KMT2E: variants seen among roughly 807,000 people sequenced by gnomAD.
KMT2E encodes the protein lysine methyltransferase 2E (inactive).
KMT2E carries 30 observed loss-of-function variants against 184.6 expected under a neutral mutation model. The ratio of observed to expected loss-of-function variants is 0.16; its 90% CI spans 0.12 to 0.22. The LOEUF is 0.22. KMT2E is among the 10% of genes least tolerant of loss of function. KMT2E has a pLI of 1.00. For missense variants in KMT2E, 2,023 were observed against 2,237.4 expected, an observed-to-expected ratio of 0.90 and a Z score of 1.93; for synonymous variants, 815 against 776.5, an observed-to-expected ratio of 1.05 and a Z score of -0.82.
chr7:105,096,305 A>G (rs954611626), intron 15 of KMT2E, among the ~76,000 whole-genome samples: 1 of 151,784 alleles, frequency 6.6e-6, no homozygotes, highest in Non-Finnish European at 1.5e-5. Context: ...TGGCATGAAA[A>G]CTGTCTCCTT....
intron 6 of KMT2E, among the ~76,000 whole-genome samples, chr7:105,070,297 TC>T (rs1353992625): frequency 6.6e-6 from 1 of 152,046 alleles, no homozygotes; most frequent in Non-Finnish European, 1.5e-5. Context: ...GATTTTATAT[TC>T]CTACCAGAAA....
At chr7:105,065,091 G>C (rs1240658942) in intron 5 of KMT2E, among the ~76,000 whole-genome samples, 1 of 152,106 alleles carries the variant, frequency 6.6e-6, no homozygotes, top group African/African-American at 2.4e-5. Flanking sequence ...TTCTCAGAGA[G>C]TACTTTTTGT....
chr7:105,074,610 T>C, intron 7 of KMT2E, 33 bp from the exon 8 acceptor site: 1 of 1,414,756 alleles, frequency 7.1e-7, no homozygotes, highest in Non-Finnish European at 9.4e-7. Flanking sequence ...AATAGAAGTA[T>C]TAAATGTGCA....
chr7:105,065,868 A>G (rs962742465), intron 5 of KMT2E, among the ~76,000 whole-genome samples: 1 of 152,182 alleles, frequency 6.6e-6, no homozygotes. Flanking sequence ...GGAGTCAGGC[A>G]TATATATCAA....
At chr7:105,111,804 T>C in intron 26 of KMT2E, 21 bp from the exon 27 acceptor site, 1 of 1,585,550 alleles carries the variant, frequency 6.3e-7, no homozygotes, top group Non-Finnish European at 8.6e-7. Context: ...TGAATGTATA[T>C]AATTTGTTTT....
At chr7:105,029,262 C>T (rs907598630) in intron 1 of KMT2E, among the ~76,000 whole-genome samples, 1 of 152,064 alleles carries the variant, frequency 6.6e-6, no homozygotes, top group East Asian at 1.9e-4. Flanking sequence ...TGAAGGTACC[C>T]TTGATTATAT....
intron 13 of KMT2E, among the ~76,000 whole-genome samples, chr7:105,084,400 C>T (rs149912329): frequency 0.02 from 3,077 of 152,072 alleles, 110 homozygotes; most frequent in African/African-American, 0.068. Flanking sequence ...CCAAGGCGGG[C>T]GGATTACTTG....
chr7:105,094,164 A>G (rs1798315178), intron 15 of KMT2E, among the ~76,000 whole-genome samples: 1 of 152,152 alleles, frequency 6.6e-6, no homozygotes, highest in Admixed American at 6.5e-5. Context: ...TTAGTATTAT[A>G]TTTGGTTTTG....
intron 3 of KMT2E, among the ~76,000 whole-genome samples, chr7:105,060,801 A>C (rs1796785519): frequency 6.6e-6 from 1 of 152,006 alleles, no homozygotes; most frequent in Non-Finnish European, 1.5e-5. Context: ...TACAATATTC[A>C]GTGCATTGTG....
At chr7:105,049,529 G>T (rs1011275481) in intron 3 of KMT2E, among the ~76,000 whole-genome samples, 1 of 151,720 alleles carries the variant, frequency 6.6e-6, no homozygotes, top group Non-Finnish European at 1.5e-5. Flanking sequence ...TACTGTTTTG[G>T]GTCCTGGGGA....
intron 5 of KMT2E, chr7:105,063,962 T>C (rs1427090951): frequency 2.2e-6 from 1 of 450,498 alleles, no homozygotes; most frequent in Non-Finnish European, 4.4e-6. Flanking sequence ...TTTGCGGAAA[T>C]TAAACATTTT....
chr7:105,098,818 CAT>C (rs1302490406), intron 15 of KMT2E, among the ~76,000 whole-genome samples: 1 of 152,076 alleles, frequency 6.6e-6, no homozygotes, highest in Non-Finnish European at 1.5e-5. Flanking sequence ...TAAACTAAGA[CAT>C]ATGTCATAAA....
At position 105,113,087 on chromosome 7, in the gene KMT2E, C is replaced by A. The variant is rs774712915; in HGVS notation, c.5331C>A (p.His1777Gln). ...HHTTLGPGPQ[H>Q]QPSGTGPHCP... ...CCACTTTGGGACCGGGACCCCAGCA[C>A]CAGCCTTCTGGAACAGGGCCACATT... Residue 1777 changes from histidine to glutamine, a missense_variant, in exon 27 of 27, where the codon CAC becomes CAA. Physicochemically the swap from His to Gln is conservative, Grantham distance 24 (BLOSUM62 0). Transcript: ENST00000311117. 1.3e-5 allele frequency: 21 copies of A among 1,614,058 alleles called. 1 individual carries two copies. The South Asian group carries it at 2.3e-4, about 18-fold the overall frequency.
Position 105,101,413 on chromosome 7 carries a change from T to C in KMT2E, c.1723-12T>C. The C allele has an allele frequency of 6.6e-7, 1 of 1,509,328 alleles. No individual in the cohort carries two copies. Among genetic ancestry groups the C allele is most frequent in the South Asian group, 1.3e-5 (1 of 76,354 alleles). 93.5% of individuals were successfully genotyped at this position (1,509,328 alleles called of 1,614,324 possible). On this transcript the variant is annotated splice_polypyrimidine_tract_variant and intron_variant, in intron 15 of 26. Transcript: ENST00000311117. Reference sequence around the variant, plus strand: ...GATATTTATGATGTCACTTAAAATTTAAATTTCATAGACAAGAGAAGAAAG... The same window carrying C: ...GATATTTATGATGTCACTTAAAATTCAAATTTCATAGACAAGAGAAGAAAG...
intron 23 of KMT2E, 37 bp downstream of exon 23, chr7:105,109,265 C>A (rs918384049): frequency 1.8e-5 from 28 of 1,588,556 alleles, no homozygotes; most frequent in Non-Finnish European, 1.7e-5. Flanking sequence ...CTGGAAAAAA[C>A]AAGCTTTTGT....
At chr7:105,096,358 ATAATG>A (rs1268256425) in intron 15 of KMT2E, among the ~76,000 whole-genome samples, 1 of 151,968 alleles carries the variant, frequency 6.6e-6, no homozygotes, top group Non-Finnish European at 1.5e-5. Flanking sequence ...CATAACCCTC[ATAATG>A]TACTTTGGGA....
At chr7:105,058,767 T>C (rs1182769289) in intron 3 of KMT2E, among the ~76,000 whole-genome samples, 3 of 152,326 alleles carry the variant, frequency 2.0e-5, no homozygotes, top group African/African-American at 7.2e-5. Flanking sequence ...GCAAAAGTAA[T>C]TGCAGTTTAT....
chr7:105,023,210 A>G (rs956354520), intron 1 of KMT2E, among the ~76,000 whole-genome samples: 1 of 151,800 alleles, frequency 6.6e-6, no homozygotes, highest in Non-Finnish European at 1.5e-5. Context: ...CCTTTCTCCA[A>G]TAAAAAAATC....
At chr7:105,092,387 G>A (rs1238127193) in intron 15 of KMT2E, among the ~76,000 whole-genome samples, 1 of 152,062 alleles carries the variant, frequency 6.6e-6, no homozygotes, top group Non-Finnish European at 1.5e-5. Flanking sequence ...GGGTGACAGA[G>A]CAAGACTCCA....
Sources: allele counts gnomAD v4.1 joint callset (sites outside exome capture counted in the v4.1 genomes callset), GRCh38; gene constraint gnomAD v4.1.1; transcripts MANE v1.5; gene names NCBI Gene and HGNC (gene_info 2026-07-23, HGNC 2026-07-21).